ADGRB3: variants seen among roughly 807,000 people sequenced by gnomAD.
ADGRB3 encodes the protein brain-specific angiogenesis inhibitor 3.
Under a neutral mutation model 193.4 loss-of-function variants are expected in ADGRB3, and 37 were observed. That is an observed-to-expected ratio of 0.19 (90% CI 0.15 to 0.25). The LOEUF (loss-of-function observed/expected upper bound fraction) is 0.25, where lower values mean the gene tolerates loss of function less well. Ranked by LOEUF, ADGRB3 falls within the 10% of genes least tolerant of loss-of-function variation. The pLI is 1.00. For missense variants in ADGRB3, 1,637 were observed against 1,852.9 expected (o/e 0.88, Z 2.14); for synonymous variants, 690 against 644.2 (o/e 1.07, Z -1.08).
intron 13 of ADGRB3, among the ~76,000 whole-genome samples, chr6:69,019,654 C>A (rs1023680127): frequency 1.3e-4 from 20 of 151,832 alleles, no homozygotes; most frequent in Admixed American, 1.3e-3. Context: ...ATTTTGGAGC[C>A]CATATATCCT....
In ADGRB3 at chr6:69,095,813, G is replaced by GCACA. The variant is rs143832948; in HGVS notation, c.2480+19788_2480+19791dup. On this transcript the variant is annotated intron_variant, in intron 17 of 31. Coordinates refer to ENST00000370598, the MANE Select transcript of ADGRB3 (RefSeq NM_001704.3). The stretch of plus-strand genomic sequence containing the variant: ...CATACACACACGCACATGCACGCGT[G>GCACA]CACACACACACACACAACCCTCTTG... Among the ~76,000 whole-genome samples the GCACA allele has an allele frequency of 8.7e-4, 132 of 151,254 alleles. 1 individual carries two copies. The highest frequency in any genetic ancestry group is 3.1e-3 in the African/African-American group (129 of 41,330).
intron 17 of ADGRB3, among the ~76,000 whole-genome samples, chr6:69,107,163 T>C (rs1773238751): frequency 6.6e-6 from 1 of 152,182 alleles, no homozygotes; most frequent in Non-Finnish European, 1.5e-5. Context: ...GTTAAGCTTC[T>C]GTAAGAGAAT....
At chr6:69,267,618 G>A (rs1454845621) in intron 20 of ADGRB3, among the ~76,000 whole-genome samples, 1 of 152,082 alleles carries the variant, frequency 6.6e-6, no homozygotes, top group Non-Finnish European at 1.5e-5. Flanking sequence ...ACAACCAATT[G>A]AACAAATCAA....
At chr6:69,036,267 C>T (rs1434052147) in intron 13 of ADGRB3, among the ~76,000 whole-genome samples, 2 of 152,114 alleles carry the variant, frequency 1.3e-5, no homozygotes, top group Non-Finnish European at 2.9e-5. Flanking sequence ...TTAACTGCCT[C>T]CAACTTAATC....
At chr6:69,024,111 A>G (rs973994596) in intron 13 of ADGRB3, among the ~76,000 whole-genome samples, 2 of 152,186 alleles carry the variant, frequency 1.3e-5, no homozygotes, top group African/African-American at 2.4e-5. Context: ...TTATCAATAC[A>G]ATAATAAAAT....
intron 10 of ADGRB3, among the ~76,000 whole-genome samples, chr6:68,981,093 AT>A (rs1768897410): frequency 6.6e-6 from 1 of 151,572 alleles, no homozygotes; most frequent in Non-Finnish European, 1.5e-5. Flanking sequence ...AAGACATAGC[AT>A]TTTACTGCCT....
At chr6:68,694,860 A>G (rs1383065944) in intron 3 of ADGRB3, among the ~76,000 whole-genome samples, 10 of 152,020 alleles carry the variant, frequency 6.6e-5, no homozygotes, top group Non-Finnish European at 1.0e-4. Flanking sequence ...CATTCTCCCA[A>G]GCATTGTGGT....
intron 16 of ADGRB3, among the ~76,000 whole-genome samples, chr6:69,072,800 A>C (rs1562147088): frequency 3.9e-5 from 6 of 152,226 alleles, no homozygotes; most frequent in Admixed American, 3.3e-4. Context: ...CTTTGAACAA[A>C]GCACTAGGTA....
intron 17 of ADGRB3, 107 bp downstream of exon 17, chr6:69,076,145 G>A: frequency 2.2e-6 from 2 of 919,040 alleles, no homozygotes; most frequent in South Asian, 1.5e-5. Context: ...GTGGGATGTT[G>A]CATTCAGAGA....
intron 3 of ADGRB3, among the ~76,000 whole-genome samples, chr6:68,791,820 A>G (rs566852454): frequency 6.6e-6 from 1 of 152,324 alleles, no homozygotes; most frequent in East Asian, 1.9e-4. Flanking sequence ...AATCAGTTCA[A>G]TGTGACAATA....
Position 69,361,146 on chromosome 6 carries a change from G to A in ADGRB3, c.3873G>A (p.Gly1291=). Residue 1291 remains glycine, a synonymous_variant, in exon 29 of 32, where the codon GGG becomes GGA. Transcript: ENST00000370598. ...VYLCTDDNLR[G]ADMDIVHPQE... is the part of the protein sequence containing the mutation. ...TATGTACGGATGATAATTTGAGAGGGGCTGACATGGACATAGTCCATCCTC... is the reference window on the plus strand; with the variant it reads ...TATGTACGGATGATAATTTGAGAGGAGCTGACATGGACATAGTCCATCCTC... The A allele has an allele frequency of 6.2e-7, 1 of 1,612,800 alleles. No individual in the cohort carries two copies. The highest frequency in any genetic ancestry group is 8.5e-7 in the Non-Finnish European group (1 of 1,179,274).
intron 3 of ADGRB3, among the ~76,000 whole-genome samples, chr6:68,772,886 A>AC (rs1162322667): frequency 1.9e-4 from 8 of 41,524 alleles, no homozygotes; most frequent in East Asian, 1.1e-3. Flanking sequence ...AACAAACAAA[A>AC]AAAAAAAAAT....
At chr6:68,720,399 T>A (rs1370837904) in intron 3 of ADGRB3, among the ~76,000 whole-genome samples, 3 of 151,760 alleles carry the variant, frequency 2.0e-5, no homozygotes, top group Non-Finnish European at 2.9e-5. Context: ...ATTTTTTTCT[T>A]ATGACTAACC....
chr6:68,789,418 T>C (rs1352279147), intron 3 of ADGRB3, among the ~76,000 whole-genome samples: 1 of 152,188 alleles, frequency 6.6e-6, no homozygotes, highest in Non-Finnish European at 1.5e-5. Flanking sequence ...TTATGAAGCT[T>C]AGTTTGGCTA....
At chr6:69,117,958 C>G (rs1414447160) in intron 17 of ADGRB3, among the ~76,000 whole-genome samples, 3 of 152,134 alleles carry the variant, frequency 2.0e-5, no homozygotes, top group African/African-American at 4.8e-5. Flanking sequence ...AAGTTTTTCT[C>G]CCCTGTTTTT....
At chr6:69,018,121 T>C (rs1770151457) in intron 12 of ADGRB3, among the ~76,000 whole-genome samples, 1 of 151,906 alleles carries the variant, frequency 6.6e-6, no homozygotes, top group Admixed American at 6.6e-5. Context: ...TCGTCTATTT[T>C]TTGAGGAGAC....
rs895629058 is a variant in ADGRB3 at position 69,233,375 on chromosome 6, C to A, written c.2566C>A (p.Leu856Ile). Residue 856 changes from leucine to isoleucine, a missense_variant, in exon 18 of 32, where the codon CTC becomes ATC. Coordinates refer to ENST00000370598, the MANE Select transcript of ADGRB3 (RefSeq NM_001704.3). ...ASHTKCLCDR[L>I]STFAILAQQP... is the part of the protein sequence containing the mutation. The stretch of plus-strand genomic sequence containing the variant: ...CCATACGAAATGCTTATGTGATCGT[C>A]TCTCTACCTTCGCCATTTTGGCTCA... 1 of 1,614,140 alleles carries A rather than the reference C, an allele frequency of 6.2e-7. No individual in the cohort carries two copies. Among genetic ancestry groups the A allele is most frequent in the Non-Finnish European group, 8.5e-7 (1 of 1,180,018 alleles).
chr6:68,802,312 G>T (rs1230751855), intron 3 of ADGRB3, among the ~76,000 whole-genome samples: 1 of 151,950 alleles, frequency 6.6e-6, no homozygotes, highest in Non-Finnish European at 1.5e-5. Flanking sequence ...AACAAGAGCA[G>T]GATTTGAGAT....
At position 68,770,441 on chromosome 6, in the gene ADGRB3, A is replaced by T. The variant is rs74747145; in HGVS notation, c.757+131009A>T. 4.7e-3 allele frequency among the ~76,000 whole-genome samples: 717 copies of T among 152,166 alleles called. 2 individuals are homozygous for T. Among genetic ancestry groups the T allele is most frequent in the Non-Finnish European group, 8.0e-3 (547 of 67,996 alleles). On this transcript the variant is annotated intron_variant, in intron 3 of 31. Transcript: ENST00000370598. Reference sequence around the variant, plus strand: ...ACTTTTGATAGAACAATTGGGAGACATGTCTGTTTTTTGTTTGATCCACAC... The same window carrying T: ...ACTTTTGATAGAACAATTGGGAGACTTGTCTGTTTTTTGTTTGATCCACAC...
Sources: gnomAD v4.1 joint callset for allele counts (sites outside exome capture counted in the v4.1 genomes callset) on GRCh38, gnomAD v4.1.1 for gene constraint, MANE v1.5 for transcripts, NCBI Gene and HGNC (gene_info 2026-07-23, HGNC 2026-07-21) for gene names.